Variants in USH2A observed in about 807,000 individuals in gnomAD.
USH2A encodes the protein Usher syndrome 2A (autosomal recessive, mild).
USH2A carries 443 observed loss-of-function variants against 538.9 expected under a neutral mutation model. The observed-to-expected ratio is 0.82, with a 90% CI of 0.76 to 0.89. The LOEUF (loss-of-function observed/expected upper bound fraction) is 0.89, where lower values mean the gene tolerates loss of function less well. USH2A is among the 40% of genes least tolerant of loss of function. The pLI, the probability that USH2A is intolerant of heterozygous loss-of-function variation, is 0.00. For missense variants in USH2A, 6,633 were observed against 6,324.8 expected, an observed-to-expected ratio of 1.05 and a Z score of -1.65; for synonymous variants, 2,413 against 2,273.5, an observed-to-expected ratio of 1.06 and a Z score of -1.75.
intron 32 of USH2A, among the ~76,000 whole-genome samples, chr1:216,005,088 A>G (rs1312141473): frequency 6.6e-6 from 1 of 152,170 alleles, no homozygotes; most frequent in Non-Finnish European, 1.5e-5. Flanking sequence ...ATGAGATCCT[A>G]TTTGATGTAA....
intron 30 of USH2A, among the ~76,000 whole-genome samples, chr1:216,060,780 T>C (rs1002307887): frequency 2.0e-5 from 3 of 152,190 alleles, no homozygotes; most frequent in African/African-American, 7.2e-5. Context: ...AAATAATTCG[T>C]ATATGTGCGA....
At chr1:215,875,939 A>C (rs1161000520) in intron 43 of USH2A, among the ~76,000 whole-genome samples, 1 of 146,850 alleles carries the variant, frequency 6.8e-6, no homozygotes, top group Non-Finnish European at 1.5e-5. Context: ...TATTATATAT[A>C]ATTAATAATG....
chr1:216,270,956 CT>C (rs1402522292), intron 11 of USH2A, among the ~76,000 whole-genome samples: 2 of 152,094 alleles, frequency 1.3e-5, no homozygotes, highest in East Asian at 3.9e-4. Flanking sequence ...AGAGGATGCA[CT>C]TTCTGTAAGT....
intron 50 of USH2A, among the ~76,000 whole-genome samples, chr1:215,794,055 T>C (rs963657226): frequency 2.6e-5 from 4 of 152,112 alleles, no homozygotes; most frequent in Non-Finnish European, 4.4e-5. Context: ...TGGCTAAGAA[T>C]ACATATCCAC....
chr1:215,686,516 G>A lies in USH2A; in HGVS notation c.12067-6140C>T, dbSNP rs570617782. ...ATAGTAGGGATTGTGGCTGGAAAGG[G>A]GATTGTGATAAGACTAAAGAGGGCT... On this transcript the variant is annotated intron_variant, in intron 61 of 71. Coordinates refer to ENST00000307340, the MANE Select transcript of USH2A (RefSeq NM_206933.4). 2.6e-4 allele frequency among the ~76,000 whole-genome samples: 40 copies of A among 152,034 alleles called. 1 individual carries two copies. Among genetic ancestry groups the A allele is most frequent in the Admixed American group, 2.5e-3 (38 of 15,248 alleles).
chr1:216,272,125 A>T lies in USH2A; in HGVS notation c.1971+17155T>A, dbSNP rs560523425. On this transcript the variant is annotated intron_variant, in intron 11 of 71. Coordinates refer to ENST00000307340, the MANE Select transcript of USH2A (RefSeq NM_206933.4). ...TAGTGGCAAATTCATTAGTGAAGCCATTTGGGACTGAGATTTTCCTTGTTG... is the reference window on the plus strand; with the variant it reads ...TAGTGGCAAATTCATTAGTGAAGCCTTTTGGGACTGAGATTTTCCTTGTTG... Among the ~76,000 whole-genome samples the T allele has an allele frequency of 3.9e-5, 6 of 152,228 alleles. No individual in the cohort carries two copies. The South Asian group carries it at 1.2e-3, about 32-fold the overall frequency.
intron 11 of USH2A, among the ~76,000 whole-genome samples, chr1:216,282,598 T>C (rs563126983): frequency 2.6e-5 from 4 of 152,332 alleles, no homozygotes; most frequent in African/African-American, 9.6e-5. Context: ...TCTATGTCTA[T>C]CTTTATCCCA....
At position 215,647,645 on chromosome 1, in the gene USH2A, G is replaced by A. The variant is rs1441519524; in HGVS notation, c.14668C>T (p.Leu4890=). The A allele has an allele frequency of 3.1e-6, 5 of 1,614,074 alleles. No individual in the cohort carries two copies. The Admixed American group carries it at 8.3e-5, about 27-fold the overall frequency. ...PSQIETKYTG[L]GQKASLGGLQ... is the part of the protein sequence containing the mutation. Reference sequence around the variant, plus strand: ...CCCCCAAGGCTGGCTTTCTGCCCCAGCCCCGTGTACTTTGTTTCTATTTGG... The same window carrying A: ...CCCCCAAGGCTGGCTTTCTGCCCCAACCCCGTGTACTTTGTTTCTATTTGG... Residue 4890 remains leucine (L), a synonymous_variant, in exon 67 of 72, where the codon CTG becomes TTG. Coordinates refer to ENST00000307340, the MANE Select transcript of USH2A (RefSeq NM_206933.4).
intron 30 of USH2A, among the ~76,000 whole-genome samples, chr1:216,064,612 A>G (rs983142219): frequency 6.6e-6 from 1 of 152,188 alleles, no homozygotes; most frequent in Non-Finnish European, 1.5e-5. Flanking sequence ...TTTGGTCAAC[A>G]ACAGACAACA....
intron 11 of USH2A, among the ~76,000 whole-genome samples, chr1:216,284,131 A>G (rs1037722684): frequency 2.6e-5 from 4 of 152,082 alleles, no homozygotes; most frequent in Non-Finnish European, 4.4e-5. Context: ...GTACATATAT[A>G]TGTAGTATTT....
chr1:216,340,817 A>G (rs368433329), intron 4 of USH2A, among the ~76,000 whole-genome samples: 56 of 152,242 alleles, frequency 3.7e-4, no homozygotes, highest in African/African-American at 1.2e-3. Flanking sequence ...AAAACTCTCA[A>G]TAAACTAGGT....
intron 35 of USH2A, among the ~76,000 whole-genome samples, chr1:215,972,237 G>T (rs1400836028): frequency 6.6e-6 from 1 of 152,184 alleles, no homozygotes; most frequent in Non-Finnish European, 1.5e-5. Context: ...AGCTCCAAGA[G>T]CTGAGGGCTT....
chr1:216,033,296 TA>T (rs1669171534), intron 32 of USH2A, among the ~76,000 whole-genome samples: 1 of 152,200 alleles, frequency 6.6e-6, no homozygotes, highest in Non-Finnish European at 1.5e-5. Flanking sequence ...TCTCTGTATG[TA>T]TATGTGTGTA....
chr1:216,376,448 T>C (rs992998912), intron 3 of USH2A, among the ~76,000 whole-genome samples: 2 of 151,550 alleles, frequency 1.3e-5, no homozygotes, highest in African/African-American at 4.8e-5. Flanking sequence ...ATGATTAGGT[T>C]ACTCCAAGCC....
chr1:216,110,313 T>C (rs2032836237), intron 21 of USH2A, among the ~76,000 whole-genome samples: 1 of 151,990 alleles, frequency 6.6e-6, no homozygotes, highest in African/African-American at 2.4e-5. Context: ...GGCAAGATAG[T>C]GACATAGTGA....
At chr1:216,224,032 T>C (rs1430902771) in intron 14 of USH2A, among the ~76,000 whole-genome samples, 1 of 152,208 alleles carries the variant, frequency 6.6e-6, no homozygotes, top group Non-Finnish European at 1.5e-5. Flanking sequence ...CTACCCTCTA[T>C]GGACAACTTC....
Position 215,759,779 on chromosome 1 carries a change from C to T in USH2A, c.11112G>A (p.Leu3704=), listed in dbSNP as rs1402082445. The change falls in exon 57 of 72, where the codon CTG becomes CTA. Residue 3704 remains leucine (L), a synonymous_variant. Transcript: ENST00000307340. ...AAACGAGGCCATTGGGCTTTTCTGG[C>T]AGACTCCAATATAATTCCACTGTTG... is the stretch of plus-strand genomic sequence containing the variant. ...NSTTVELYWS[L]PEKPNGLVSQ... 6.2e-7 allele frequency: 1 copy of T among 1,613,918 alleles called. No individual in the cohort carries two copies. Among genetic ancestry groups the T allele is most frequent in the Admixed American group, 1.7e-5 (1 of 59,998 alleles).
intron 11 of USH2A, 35 bp from the exon 12 acceptor site, chr1:216,251,133 C>T (rs1204915973): frequency 8.7e-6 from 14 of 1,607,880 alleles, no homozygotes; most frequent in African/African-American, 4.0e-5. Flanking sequence ...GAATGATGAA[C>T]GTATCTATTT....
intron 49 of USH2A, among the ~76,000 whole-genome samples, chr1:215,802,929 C>G (rs1170961898): frequency 6.6e-6 from 1 of 152,026 alleles, no homozygotes; most frequent in Non-Finnish European, 1.5e-5. Flanking sequence ...CATTATTCGA[C>G]CTTAAAAAGG....
Sources: gnomAD v4.1 joint callset for allele counts (sites outside exome capture counted in the v4.1 genomes callset) on GRCh38, gnomAD v4.1.1 for gene constraint, MANE v1.5 for transcripts, NCBI Gene and HGNC (gene_info 2026-07-23, HGNC 2026-07-21) for gene names.